Variants in ESR1 observed in about 807,000 individuals in gnomAD.
ESR1 encodes estrogen receptor.
Under a neutral mutation model 52.7 loss-of-function variants are expected in ESR1, and 12 were observed. The observed-to-expected ratio is 0.23, with a 90% CI of 0.15 to 0.37. ESR1 has a LOEUF of 0.37. Ranked by LOEUF, ESR1 falls within the 10% of genes least tolerant of loss-of-function variation. ESR1 has a pLI of 1.00. For missense variants in ESR1, 584 were observed against 779.7 expected (o/e 0.75, Z 2.99); for synonymous variants, 305 against 316.8 (o/e 0.96, Z 0.39).
chr6:151,683,506 A>G (rs1261230321), intron 1 of ESR1, among the ~76,000 whole-genome samples: 2 of 151,822 alleles, frequency 1.3e-5, no homozygotes, highest in African/African-American at 4.8e-5. Context: ...TGTGTGAACT[A>G]CCACCTTGGA....
intron 3 of ESR1, among the ~76,000 whole-genome samples, chr6:151,895,338 G>A (rs565177681): frequency 6.6e-6 from 1 of 152,238 alleles, no homozygotes; most frequent in East Asian, 1.9e-4. Context: ...CATATCATCA[G>A]CAAACAGCGA....
intron 6 of ESR1, among the ~76,000 whole-genome samples, chr6:152,062,216 A>G (rs1474730791): frequency 2.0e-5 from 3 of 151,914 alleles, no homozygotes; most frequent in African/African-American, 7.3e-5. Context: ...ACAATTTTTT[A>G]CTTTTCTTCC....
intron 2 of ESR1, among the ~76,000 whole-genome samples, chr6:151,714,106 T>C (rs912592929): frequency 2.0e-5 from 3 of 152,240 alleles, no homozygotes; most frequent in African/African-American, 7.2e-5. Context: ...TACACAGTAG[T>C]CATTCAGGAG....
At chr6:152,011,180 A>G (rs2042736074) in intron 4 of ESR1, among the ~76,000 whole-genome samples, 2 of 152,164 alleles carry the variant, frequency 1.3e-5, no homozygotes, top group African/African-American at 4.8e-5. Context: ...ACAAAAAAAG[A>G]GTGTGATTTA....
chr6:151,825,910 C>CAAAAA (rs3996305), intron 1 of ESR1, among the ~76,000 whole-genome samples: 12 of 78,026 alleles, frequency 1.5e-4, no homozygotes, highest in African/African-American at 3.0e-4. Flanking sequence ...GACTCCATCT[C>CAAAAA]AAAAAAAAAA....
chr6:151,789,514 G>A (rs1027739763), intron 2 of ESR1, among the ~76,000 whole-genome samples: 1 of 152,212 alleles, frequency 6.6e-6, no homozygotes, highest in Non-Finnish European at 1.5e-5. Context: ...GGGCAGTGGG[G>A]AGGGTGAATG....
intron 2 of ESR1, among the ~76,000 whole-genome samples, chr6:151,737,386 A>G (rs182614615): frequency 8.6e-4 from 131 of 152,306 alleles, no homozygotes; most frequent in Non-Finnish European, 1.5e-3. Flanking sequence ...AATGCAAGCA[A>G]TGAACAAAAG....
chr6:151,912,283 G>A (rs528468341), intron 3 of ESR1, among the ~76,000 whole-genome samples: 2 of 152,252 alleles, frequency 1.3e-5, no homozygotes, highest in Admixed American at 6.5e-5. Flanking sequence ...TTTCAAATTC[G>A]GTTGAAACAG....
intron 5 of ESR1, among the ~76,000 whole-genome samples, chr6:152,042,477 G>A (rs574959710): frequency 6.6e-6 from 1 of 152,282 alleles, no homozygotes; most frequent in East Asian, 1.9e-4. Flanking sequence ...CCTTTCCCCA[G>A]TGCACAGTTA....
chr6:151,724,017 T>A (rs991934453), intron 2 of ESR1, among the ~76,000 whole-genome samples: 2 of 152,078 alleles, frequency 1.3e-5, no homozygotes, highest in Admixed American at 1.3e-4. Context: ...AATACTGGAA[T>A]TCTAGAAGGT....
At chr6:152,067,858 C>T (rs1397607722) in intron 6 of ESR1, among the ~76,000 whole-genome samples, 7 of 152,100 alleles carry the variant, frequency 4.6e-5, no homozygotes, top group Non-Finnish European at 1.0e-4. Context: ...GGAAAAAATG[C>T]TCCCCTGATT....
intron 2 of ESR1, among the ~76,000 whole-genome samples, chr6:151,756,491 A>G (rs1317325433): frequency 6.6e-6 from 1 of 152,066 alleles, no homozygotes; most frequent in Admixed American, 6.5e-5. Flanking sequence ...TGGCTTCCCA[A>G]AGTGCTGGTA....
chr6:152,048,180 C>T (rs891178473), intron 5 of ESR1, among the ~76,000 whole-genome samples: 1 of 151,608 alleles, frequency 6.6e-6, no homozygotes, highest in Non-Finnish European at 1.5e-5. Context: ...ACCATCCTGG[C>T]CAACATGGTG....
chr6:151,901,388 G>A (rs1268443731), intron 3 of ESR1, among the ~76,000 whole-genome samples: 1 of 152,194 alleles, frequency 6.6e-6, no homozygotes, highest in Non-Finnish European at 1.5e-5. Context: ...TGTAAGTAGG[G>A]CTTTCATGCC....
At chr6:151,961,729 G>A (rs2037690589) in intron 4 of ESR1, among the ~76,000 whole-genome samples, 1 of 152,192 alleles carries the variant, frequency 6.6e-6, no homozygotes, top group African/African-American at 2.4e-5. Context: ...GGGGCAGACA[G>A]TGTGAGAGGT....
chr6:151,818,806 T>TACAC (rs5880941), intron 1 of ESR1, among the ~76,000 whole-genome samples: 8,470 of 149,242 alleles, frequency 0.057, 448 homozygotes, highest in South Asian at 0.14. Flanking sequence ...TATACACATA[T>TACAC]ATACACACAC....
intron 3 of ESR1, among the ~76,000 whole-genome samples, chr6:151,906,216 C>T (rs1797429876): frequency 6.6e-6 from 1 of 152,150 alleles, no homozygotes; most frequent in Non-Finnish European, 1.5e-5. Context: ...TAAATTCTAA[C>T]AATCAACTGT....
At chr6:151,826,290 G>A (rs936652878) in intron 1 of ESR1, among the ~76,000 whole-genome samples, 3 of 152,186 alleles carry the variant, frequency 2.0e-5, no homozygotes, top group African/African-American at 7.2e-5. Flanking sequence ...AAATCTTATA[G>A]GAACATAAGA....
chr6:152,027,264 C>T (rs1408447140), intron 5 of ESR1, among the ~76,000 whole-genome samples: 1 of 152,150 alleles, frequency 6.6e-6, no homozygotes, highest in African/African-American at 2.4e-5. Context: ...CGCACCCAGC[C>T]TCTCATCTTA....
Sources: allele counts gnomAD v4.1 joint callset (sites outside exome capture counted in the v4.1 genomes callset), GRCh38; gene constraint gnomAD v4.1.1; transcripts MANE v1.5; gene names NCBI Gene and HGNC (gene_info 2026-07-23, HGNC 2026-07-21).